LZTFL1: variants seen among roughly 807,000 people sequenced by gnomAD.
LZTFL1 encodes leucine zipper transcription factor like 1, also known as leucine zipper transcription factor-like protein 1.
A neutral mutation model predicts 45.9 loss-of-function variants in LZTFL1; 25 were observed. The observed-to-expected ratio is 0.54, with a 90% confidence interval of 0.40 to 0.76. LZTFL1 has a LOEUF of 0.76. Ranked by LOEUF, LZTFL1 falls within the 30% of genes least tolerant of loss-of-function variation. LZTFL1 has a pLI of 0.00. For missense variants in LZTFL1, 277 were observed against 331.1 expected (o/e 0.84, Z 1.27); for synonymous variants, 93 against 117.4 (o/e 0.79, Z 1.35).
At chr3:45,828,670 GT>G in intron 7 of LZTFL1, 55 bp from the exon 8 acceptor site, 2 of 1,378,074 alleles carry the variant, frequency 1.5e-6, no homozygotes, top group Non-Finnish European at 1.0e-6. Context: ...AAAAATAACT[GT>G]TTTAGAATGG....
At chr3:45,890,789 A>T (rs1177209101) in intron 2 of LZTFL1, among the ~76,000 whole-genome samples, 1 of 152,246 alleles carries the variant, frequency 6.6e-6, no homozygotes, top group African/African-American at 2.4e-5. Flanking sequence ...AGTTAGAAGC[A>T]GGTGAATTGC....
intron 2 of LZTFL1, among the ~76,000 whole-genome samples, chr3:45,896,502 C>T (rs1005309902): frequency 6.6e-6 from 1 of 152,172 alleles, no homozygotes; most frequent in Non-Finnish European, 1.5e-5. Flanking sequence ...ATTCCCTCAG[C>T]GTCACAGTAA....
intron 2 of LZTFL1, among the ~76,000 whole-genome samples, chr3:45,880,779 T>G (rs1437082388): frequency 6.6e-6 from 1 of 152,110 alleles, no homozygotes; most frequent in Non-Finnish European, 1.5e-5. Flanking sequence ...ACTCAGGCCT[T>G]AAGTGTCACT....
intron 2 of LZTFL1, chr3:45,897,684 T>C (rs1055314276): frequency 1.5e-6 from 2 of 1,352,198 alleles, no homozygotes; most frequent in African/African-American, 2.9e-5. Flanking sequence ...CCCCCTCTCA[T>C]TTGTTCCCCA....
At chr3:45,906,143 A>G (rs550364030) in intron 2 of LZTFL1, among the ~76,000 whole-genome samples, 1 of 152,312 alleles carries the variant, frequency 6.6e-6, no homozygotes, top group South Asian at 2.1e-4. Flanking sequence ...CTGGATGGGT[A>G]AGAACACTGG....
intron 1 of LZTFL1, 52 bp downstream of exon 1, chr3:45,841,937 C>T: frequency 6.2e-7 from 1 of 1,601,632 alleles, no homozygotes; most frequent in South Asian, 1.1e-5. Context: ...TCTCCAGCCC[C>T]GGCCGCGCTC....
At chr3:45,914,875 G>A (rs531631697) in intron 1 of LZTFL1, among the ~76,000 whole-genome samples, 5 of 152,274 alleles carry the variant, frequency 3.3e-5, no homozygotes, top group East Asian at 3.9e-4. Context: ...GCTGGGTGGC[G>A]TCCCTGCTGG....
intron 2 of LZTFL1, among the ~76,000 whole-genome samples, chr3:45,884,532 G>A (rs1445383786): frequency 2.0e-5 from 3 of 152,120 alleles, no homozygotes; most frequent in Non-Finnish European, 2.9e-5. Context: ...CCCGTGCAGA[G>A]GAGGGAATCT....
intron 1 of LZTFL1, among the ~76,000 whole-genome samples, chr3:45,840,510 T>C (rs766465873): frequency 6.6e-6 from 1 of 152,220 alleles, no homozygotes; most frequent in Non-Finnish European, 1.5e-5. Context: ...TACTATCTGC[T>C]AAATGAGAGG....
intron 1 of LZTFL1, among the ~76,000 whole-genome samples, chr3:45,839,093 A>ACTC (rs1701038892): frequency 6.6e-6 from 1 of 151,542 alleles, no homozygotes; most frequent in Admixed American, 6.6e-5. Context: ...ATAAATACAG[A>ACTC]TTCTTTTTTT....
intron 4 of LZTFL1, among the ~76,000 whole-genome samples, chr3:45,852,448 A>G (rs1457854193): frequency 6.6e-6 from 1 of 152,230 alleles, no homozygotes; most frequent in Non-Finnish European, 1.5e-5. Flanking sequence ...GACTGACTAA[A>G]TGAATTATGG....
chr3:45,845,245 A>T (rs972039191), upstream of LZTFL1, among the ~76,000 whole-genome samples: 1 of 152,232 alleles, frequency 6.6e-6, no homozygotes, highest in African/African-American at 2.4e-5. Flanking sequence ...GAAGGGAATA[A>T]TGAACAAGAT....
At chr3:45,912,174 C>A (rs1376099450) in intron 2 of LZTFL1, among the ~76,000 whole-genome samples, 2 of 152,170 alleles carry the variant, frequency 1.3e-5, no homozygotes, top group Non-Finnish European at 2.9e-5. Context: ...CTATCACAGA[C>A]ATTGTGGCCA....
chr3:45,845,742 A>G (rs1165204254), upstream of LZTFL1, among the ~76,000 whole-genome samples: 1 of 152,216 alleles, frequency 6.6e-6, no homozygotes, highest in African/African-American at 2.4e-5. Context: ...GCATTTCATC[A>G]TAGAAAATGT....
At chr3:45,907,155 C>T (rs1702699676) in intron 2 of LZTFL1, among the ~76,000 whole-genome samples, 1 of 152,188 alleles carries the variant, frequency 6.6e-6, no homozygotes, top group African/African-American at 2.4e-5. Flanking sequence ...TCTAGGTGGC[C>T]AGGCTTAGGC....
chr3:45,827,982 C>T (rs1480683005), intron 8 of LZTFL1, among the ~76,000 whole-genome samples: 9 of 152,108 alleles, frequency 5.9e-5, no homozygotes, highest in Non-Finnish European at 1.0e-4. Context: ...GGATTACAGG[C>T]ACAAGCCACT....
At chr3:45,890,717 CT>C (rs1702152697) in intron 2 of LZTFL1, among the ~76,000 whole-genome samples, 1 of 152,018 alleles carries the variant, frequency 6.6e-6, no homozygotes, top group Admixed American at 6.6e-5. Flanking sequence ...AGAATACAAC[CT>C]TTCTGAAGAA....
At chr3:45,899,735 C>G (rs991533296) in intron 2 of LZTFL1, among the ~76,000 whole-genome samples, 1 of 152,108 alleles carries the variant, frequency 6.6e-6, no homozygotes, top group Non-Finnish European at 1.5e-5. Flanking sequence ...AGGAATGTAG[C>G]AGGCATGGCA....
At chr3:45,892,200 TTGTC>T (rs533107494) in intron 2 of LZTFL1, among the ~76,000 whole-genome samples, 4 of 152,180 alleles carry the variant, frequency 2.6e-5, no homozygotes, top group Non-Finnish European at 4.4e-5. Flanking sequence ...CATATACAAA[TTGTC>T]TATCTATCTA....
Sources: gnomAD v4.1 joint callset for allele counts (sites outside exome capture counted in the v4.1 genomes callset) on GRCh38, gnomAD v4.1.1 for gene constraint, MANE v1.5 for transcripts, NCBI Gene and HGNC (gene_info 2026-07-23, HGNC 2026-07-21) for gene names.